NLGN1: variants seen among roughly 807,000 people sequenced by gnomAD.
The protein encoded by NLGN1 is neuroligin 1.
In NLGN1, 12 loss-of-function variants were observed where a neutral mutation model predicts 65.5. The observed-to-expected ratio is 0.18, with a 90% CI of 0.12 to 0.30. The LOEUF (loss-of-function observed/expected upper bound fraction) is 0.30. Ranked by LOEUF, NLGN1 falls within the 10% of genes least tolerant of loss-of-function variation. The pLI, the probability that NLGN1 is intolerant of heterozygous loss-of-function variation, is 1.00. For synonymous variants in NLGN1, 350 were observed against 359.5 expected (o/e 0.97, Z 0.30); for missense variants, 750 against 1,007.1 (o/e 0.74, Z 3.46).
chr3:174,082,801 A>G (rs1262647107), intron 4 of NLGN1, among the ~76,000 whole-genome samples: 1 of 151,864 alleles, frequency 6.6e-6, no homozygotes, highest in Non-Finnish European at 1.5e-5. Flanking sequence ...GCTCACCACA[A>G]CCTCCGCCTC....
intron 4 of NLGN1, among the ~76,000 whole-genome samples, chr3:173,851,698 T>C (rs1411358861): frequency 6.6e-6 from 1 of 152,180 alleles, no homozygotes; most frequent in Non-Finnish European, 1.5e-5. Context: ...AGATGCTTGA[T>C]AAATATCTGG....
At chr3:174,241,668 T>C (rs949926603) in intron 4 of NLGN1, among the ~76,000 whole-genome samples, 9 of 151,932 alleles carry the variant, frequency 5.9e-5, no homozygotes, top group Non-Finnish European at 1.3e-4. Context: ...TTTTTTTTCT[T>C]TTTGAGACGG....
Position 174,260,824 on chromosome 3 carries a change from C to T in NLGN1, c.647-14491C>T, listed in dbSNP as rs1043579713. ...AGGGTTTTTATGGTTTTAGGTCTAA[C>T]GTTTAAGTCTTTAATCCATCTTGAA... On this transcript the variant is annotated intron_variant, in intron 4 of 6. Coordinates refer to ENST00000457714, the Ensembl canonical transcript of NLGN1. Among the ~76,000 whole-genome samples, 11 of 150,206 alleles carry T rather than the reference C, an allele frequency of 7.3e-5. No homozygotes were observed. In the South Asian group the frequency reaches 1.9e-3, roughly 26 times the overall value.
At chr3:173,682,391 C>A (rs1341825974) in intron 3 of NLGN1, among the ~76,000 whole-genome samples, 5 of 151,768 alleles carry the variant, frequency 3.3e-5, no homozygotes. Context: ...AGATCGAGAC[C>A]ATCCTGGCTA....
intron 4 of NLGN1, among the ~76,000 whole-genome samples, chr3:174,174,461 TCAC>T (rs1729089135): frequency 6.6e-6 from 1 of 152,114 alleles, no homozygotes; most frequent in South Asian, 2.1e-4. Context: ...TGTTCCCTAT[TCAC>T]CACATCCATG....
At chr3:173,647,170 A>C (rs1462033792) in intron 3 of NLGN1, among the ~76,000 whole-genome samples, 1 of 152,146 alleles carries the variant, frequency 6.6e-6, no homozygotes, top group Non-Finnish European at 1.5e-5. Context: ...TGCTTCTAAT[A>C]ATAGAGCTTC....
At chr3:174,034,338 G>A (rs1355734456) in intron 4 of NLGN1, among the ~76,000 whole-genome samples, 1 of 151,854 alleles carries the variant, frequency 6.6e-6, no homozygotes, top group Non-Finnish European at 1.5e-5. Context: ...ATTTTAGGCA[G>A]GAGGAAATTG....
At chr3:174,155,811 T>A (rs9818369) in intron 4 of NLGN1, among the ~76,000 whole-genome samples, 44,796 of 151,614 alleles carry the variant, frequency 0.3, 7,826 homozygotes, top group East Asian at 0.57. Context: ...TTTGTAATTT[T>A]AAAAAATAAA....
intron 4 of NLGN1, among the ~76,000 whole-genome samples, chr3:173,829,459 G>C (rs1009436236): frequency 2.7e-5 from 4 of 150,818 alleles, no homozygotes; most frequent in Non-Finnish European, 5.9e-5. Flanking sequence ...GTGATGATTT[G>C]ACATGCATAT....
chr3:173,662,789 AG>A (rs1308473638), intron 3 of NLGN1, among the ~76,000 whole-genome samples: 4 of 152,000 alleles, frequency 2.6e-5, no homozygotes, highest in African/African-American at 9.7e-5. Flanking sequence ...TATTACATAA[AG>A]ACTAGGAATG....
chr3:174,237,584 G>A (rs1425926913), intron 4 of NLGN1, among the ~76,000 whole-genome samples: 1 of 151,910 alleles, frequency 6.6e-6, no homozygotes, highest in African/African-American at 2.4e-5. Context: ...TCTTGAGACA[G>A]TCTTACTCTG....
At chr3:173,494,871 C>G (rs1278098191) in intron 2 of NLGN1, among the ~76,000 whole-genome samples, 1 of 151,642 alleles carries the variant, frequency 6.6e-6, no homozygotes, top group Non-Finnish European at 1.5e-5. Flanking sequence ...GATATTCTTT[C>G]ACTGATCTAT....
chr3:174,228,579 C>A lies in NLGN1; in HGVS notation c.647-46736C>A, dbSNP rs151304639. Among the ~76,000 whole-genome samples the A allele has an allele frequency of 4.9e-3, 746 of 152,186 alleles. 5 individuals carry two copies. Among genetic ancestry groups the A allele is most frequent in the African/African-American group, 0.017 (689 of 41,540 alleles). On this transcript the variant is annotated intron_variant, in intron 4 of 6. Coordinates refer to ENST00000457714, the Ensembl canonical transcript of NLGN1. ...GGTTAGATATAGACGCTATTCAGCA[C>A]TAGGTAACTATATAGTTGTCATTTT...
At chr3:173,489,889 A>G (rs1303184206) in intron 2 of NLGN1, among the ~76,000 whole-genome samples, 2 of 152,110 alleles carry the variant, frequency 1.3e-5, no homozygotes, top group Non-Finnish European at 2.9e-5. Flanking sequence ...TCTTCTTTTG[A>G]GAAGTGTCTG....
chr3:174,094,746 T>TA (rs5854552), intron 4 of NLGN1, among the ~76,000 whole-genome samples: 60,641 of 88,870 alleles, frequency 0.68, 22,049 homozygotes, highest in Non-Finnish European at 0.79. Flanking sequence ...TTGGCTCCGC[T>TA]AAAAAAAAAA....
chr3:174,222,527 A>T (rs898682059), intron 4 of NLGN1, among the ~76,000 whole-genome samples: 13 of 152,188 alleles, frequency 8.5e-5, no homozygotes, highest in Non-Finnish European at 1.5e-4. Flanking sequence ...AAATCAAATC[A>T]TCTCTTATTT....
intron 4 of NLGN1, among the ~76,000 whole-genome samples, chr3:173,996,709 G>T (rs1722343492): frequency 1.3e-5 from 2 of 152,236 alleles, no homozygotes; most frequent in Admixed American, 6.5e-5. Context: ...TTTGTTCTGA[G>T]AACTACACTT....
At chr3:173,612,063 G>A (rs1752387615) in intron 3 of NLGN1, among the ~76,000 whole-genome samples, 1 of 151,748 alleles carries the variant, frequency 6.6e-6, no homozygotes, top group African/African-American at 2.4e-5. Flanking sequence ...TAATATTCTG[G>A]TCTTTAATAT....
intron 4 of NLGN1, among the ~76,000 whole-genome samples, chr3:173,899,520 C>T (rs1477100062): frequency 1.3e-5 from 2 of 152,038 alleles, no homozygotes; most frequent in African/African-American, 4.8e-5. Flanking sequence ...CCAAACCTGG[C>T]CTCCTAGCTG....
Sources: gnomAD v4.1 joint callset for allele counts (sites outside exome capture counted in the v4.1 genomes callset) on GRCh38, gnomAD v4.1.1 for gene constraint, MANE v1.5 for transcripts, NCBI Gene and HGNC (gene_info 2026-07-23, HGNC 2026-07-21) for gene names.